Variants in EML6 observed in about 807,000 individuals in gnomAD.
EML6 encodes EMAP like 6.
In EML6, 154 loss-of-function variants were observed where a neutral mutation model predicts 240.1. That is an observed-to-expected ratio of 0.64 (90% CI 0.56 to 0.73). The LOEUF (loss-of-function observed/expected upper bound fraction) is 0.73, where lower values mean the gene tolerates loss of function less well. EML6 is among the 30% of genes least tolerant of loss of function. The pLI is 0.00. For synonymous variants in EML6, 1,148 were observed against 899.0 expected, an observed-to-expected ratio of 1.28 and a Z score of -4.95; for missense variants, 2,964 against 2,474.6, an observed-to-expected ratio of 1.20 and a Z score of -4.20.
In EML6 at chr2:54,847,593, A is replaced by G; in HGVS notation, c.1157A>G (p.Lys386Arg). The G allele has an allele frequency of 1.3e-6, 2 of 1,552,360 alleles. No homozygotes were observed. The highest frequency in any genetic ancestry group is 1.7e-6 in the Non-Finnish European group (2 of 1,147,136). ...PDGSQLALGM[K>R]DGSFIVLRVR... Reference sequence around the variant, plus strand: ...GGATCTCAGCTGGCCCTGGGCATGAAGGACGGCTCTTTCATTGTTCTCCGA... The same window carrying G: ...GGATCTCAGCTGGCCCTGGGCATGAGGGACGGCTCTTTCATTGTTCTCCGA... Residue 386 changes from lysine to arginine, a missense_variant, in exon 9 of 42, where the codon AAG becomes AGG. Transcript: ENST00000356458.
chr2:54,919,991 A>C (rs1160568106), intron 26 of EML6, among the ~76,000 whole-genome samples: 2 of 152,232 alleles, frequency 1.3e-5, no homozygotes, highest in African/African-American at 4.8e-5. Context: ...GCATACACAT[A>C]AGACGAGAGA....
At chr2:54,865,310 C>G (rs984995360) in intron 13 of EML6, among the ~76,000 whole-genome samples, 3 of 104,538 alleles carry the variant, frequency 2.9e-5, no homozygotes, top group Non-Finnish European at 6.0e-5. Flanking sequence ...TTAACACAGT[C>G]TCTGTATCTA....
chr2:54,887,877 C>G (rs185052755), intron 17 of EML6, among the ~76,000 whole-genome samples: 1 of 152,164 alleles, frequency 6.6e-6, no homozygotes, highest in Non-Finnish European at 1.5e-5. Flanking sequence ...CTGCACTAGA[C>G]GGTACATTTG....
At chr2:54,864,010 A>G (rs1413769361) in intron 13 of EML6, 121 bp downstream of exon 13, 3 of 592,822 alleles carry the variant, frequency 5.1e-6, no homozygotes, top group African/African-American at 1.9e-5. Flanking sequence ...AAAACAAGAA[A>G]AATAGTCTAC....
At chr2:54,806,360 C>T (rs549050073) in intron 2 of EML6, among the ~76,000 whole-genome samples, 1 of 151,988 alleles carries the variant, frequency 6.6e-6, no homozygotes, top group Non-Finnish European at 1.5e-5. Context: ...CACTTGTAAT[C>T]CCAGCATTTT....
At chr2:54,952,096 T>A (rs1033618828) in intron 30 of EML6, among the ~76,000 whole-genome samples, 1 of 152,192 alleles carries the variant, frequency 6.6e-6, no homozygotes, top group African/African-American at 2.4e-5. Flanking sequence ...GGCCCCCAAG[T>A]GGATTGGCAT....
chr2:54,834,184 A>C (rs1669015685), intron 7 of EML6, among the ~76,000 whole-genome samples: 1 of 152,158 alleles, frequency 6.6e-6, no homozygotes, highest in South Asian at 2.1e-4. Flanking sequence ...CACTTCATGG[A>C]TGGTACAATG....
At chr2:54,968,018 C>A in intron 39 of EML6, 110 bp from the exon 40 acceptor site, 1 of 1,099,424 alleles carries the variant, frequency 9.1e-7, no homozygotes, top group Non-Finnish European at 1.3e-6. Flanking sequence ...TGTTGGGGAC[C>A]CCTGATGTTA....
At chr2:54,877,459 TAAAA>T (rs5831327) in intron 16 of EML6, among the ~76,000 whole-genome samples, 1 of 151,818 alleles carries the variant, frequency 6.6e-6, no homozygotes, top group South Asian at 2.1e-4. Context: ...TTAAAAGTCT[TAAAA>T]AAAAGCTTAT....
intron 17 of EML6, among the ~76,000 whole-genome samples, chr2:54,889,894 C>G (rs1233120770): frequency 6.6e-6 from 1 of 152,188 alleles, no homozygotes; most frequent in Non-Finnish European, 1.5e-5. Context: ...GACGAATAAG[C>G]TATTCCAGTG....
intron 35 of EML6, among the ~76,000 whole-genome samples, chr2:54,961,184 G>GTTGTTTTTTTTTGTTTGTTTTT: frequency 3.6e-5 from 2 of 55,424 alleles, no homozygotes; most frequent in African/African-American, 8.1e-5. Context: ...TCAGGAAGTA[G>GTTGTTTTTTTTTGTTTGTTTTT]TTTTTTTTTT....
At chr2:54,837,542 G>T (rs1046405435) in intron 7 of EML6, among the ~76,000 whole-genome samples, 2 of 152,138 alleles carry the variant, frequency 1.3e-5, no homozygotes, top group Non-Finnish European at 2.9e-5. Flanking sequence ...TCTCAAAGTC[G>T]ACTTCTCACA....
intron 39 of EML6, among the ~76,000 whole-genome samples, chr2:54,967,420 C>T (rs1266500453): frequency 2.6e-5 from 4 of 152,156 alleles, no homozygotes; most frequent in African/African-American, 7.2e-5. Flanking sequence ...GGCCTCCATT[C>T]GCTAGGGGAA....
chr2:54,881,576 G>T (rs1671809955), intron 17 of EML6: 1 of 150,840 alleles, frequency 6.6e-6, no homozygotes, highest in African/African-American at 2.5e-5. Flanking sequence ...TTGAACCTGG[G>T]AGGCAGAGGT....
chr2:54,878,824 A>T (rs373949854), intron 16 of EML6, among the ~76,000 whole-genome samples: 1 of 152,236 alleles, frequency 6.6e-6, no homozygotes, highest in African/African-American at 2.4e-5. Flanking sequence ...AAGATAAGAT[A>T]ACCTGTTCAT....
At chr2:54,937,799 A>G (rs554262587) in intron 28 of EML6, among the ~76,000 whole-genome samples, 43 of 152,280 alleles carry the variant, frequency 2.8e-4, no homozygotes, top group Non-Finnish European at 4.3e-4. Flanking sequence ...GTGTTTTTAT[A>G]TACTCTATCA....
At chr2:54,884,026 C>T (rs1483152781) in intron 17 of EML6, among the ~76,000 whole-genome samples, 2 of 152,152 alleles carry the variant, frequency 1.3e-5, no homozygotes, top group Non-Finnish European at 1.5e-5. Flanking sequence ...GGATTTCTCC[C>T]CACCAGCAAG....
chr2:54,906,007 C>G (rs1673312444), intron 24 of EML6, among the ~76,000 whole-genome samples: 1 of 152,204 alleles, frequency 6.6e-6, no homozygotes, highest in African/African-American at 2.4e-5. Context: ...AATATATCTT[C>G]AAAACCCTGC....
chr2:54,886,160 C>CTTTTTTTTTTTTTTTTTTTTTT (rs869107962), intron 17 of EML6, among the ~76,000 whole-genome samples: 3 of 82,216 alleles, frequency 3.6e-5, no homozygotes, highest in Non-Finnish European at 4.8e-5. Flanking sequence ...TTTTAACCTT[C>CTTTTTTTTTTTTTTTTTTTTTT]TTTTTTTTTT....
Sources: allele counts gnomAD v4.1 joint callset (sites outside exome capture counted in the v4.1 genomes callset), GRCh38; gene constraint gnomAD v4.1.1; transcripts MANE v1.5; gene names NCBI Gene and HGNC (gene_info 2026-07-23, HGNC 2026-07-21).